The following GPI variants were observed in gnomAD, a reference collection of about 807,000 sequenced individuals.
GPI encodes glucose-6-phosphate isomerase, also known as D-hexose-6-phosphate anomerase.
A neutral mutation model predicts 75.8 loss-of-function variants in GPI; 56 were observed. That is an observed-to-expected ratio of 0.74 (90% confidence interval 0.60 to 0.92). GPI has a LOEUF of 0.92. Ranked by LOEUF, GPI falls within the 40% of genes least tolerant of loss-of-function variation. The pLI, the probability that GPI is intolerant of heterozygous loss-of-function variation, is 0.00. For missense variants in GPI, 638 were observed against 741.0 expected, an observed-to-expected ratio of 0.86 and a Z score of 1.61; for synonymous variants, 288 against 285.4, an observed-to-expected ratio of 1.01 and a Z score of -0.09.
intron 9 of GPI, among the ~76,000 whole-genome samples, chr19:34,389,746 C>T (rs928093254): frequency 6.6e-6 from 1 of 152,174 alleles, no homozygotes; most frequent in African/African-American, 2.4e-5. Flanking sequence ...GGGTCAAGTA[C>T]CCCTCAGGTT....
chr19:34,364,672 C>A (rs948280974), upstream of GPI: 5 of 344,166 alleles, frequency 1.5e-5, no homozygotes, highest in Admixed American at 9.6e-5. Context: ...GCCACCGCGC[C>A]CGGCCTAGTC....
At chr19:34,366,747 T>TG (rs1249116126) in intron 2 of GPI, 36 bp from the exon 3 acceptor site, 3 of 1,508,356 alleles carry the variant, frequency 2.0e-6, no homozygotes, top group Non-Finnish European at 2.8e-6. Context: ...GTGGCCAGTG[T>TG]GGGTGGGACC....
intron 9 of GPI, among the ~76,000 whole-genome samples, chr19:34,389,440 A>T (rs540049745): frequency 5.3e-5 from 8 of 152,268 alleles, no homozygotes; most frequent in Admixed American, 2.0e-4. Flanking sequence ...ATCCTCTGGA[A>T]GGTGCTATGC....
At position 34,393,967 on chromosome 19, in the gene GPI, C is replaced by G. The variant is rs1359267721; in HGVS notation, c.963C>G (p.Ala321=). ...PLEKNAPVLL[A]LLGIWYINCF... ...AGAAGAACGCCCCCGTCTTGCTGGC[C>G]CTGCTGGGTATCTGGTACATCAACT... Residue 321 remains alanine (A), a synonymous_variant, in exon 12 of 18, where the codon GCC becomes GCG. Transcript: ENST00000356487. This position sits in a 1 kb window ranked among gnomAD's most constrained non-coding sequence, Gnocchi z 4.4. The G allele has an allele frequency of 1.2e-6, 2 of 1,613,548 alleles. No individual in the cohort carries two copies. Among genetic ancestry groups the G allele is most frequent in the Non-Finnish European group, 1.7e-6 (2 of 1,179,880 alleles).
At chr19:34,376,706 T>A (rs1250604126) in intron 4 of GPI, among the ~76,000 whole-genome samples, 2 of 152,092 alleles carry the variant, frequency 1.3e-5, no homozygotes. Context: ...GCAATCCTCC[T>A]GTCTCAGCCT....
Position 34,400,812 on chromosome 19 carries a change from C to T in GPI, c.*776C>T. The T allele has an allele frequency of 5.4e-6, 2 of 370,828 alleles. No individual in the cohort carries two copies. The highest frequency in any genetic ancestry group is 7.7e-5 in the East Asian group (2 of 26,132). 23.0% of individuals were successfully genotyped at this position (370,828 alleles called of 1,614,324 possible). A position where few individuals can be genotyped will look rare whatever the true frequency, so the allele number is the denominator to read the frequency against. On this transcript the variant is annotated 3_prime_UTR_variant, in exon 18 of 18. Transcript: ENST00000356487. ...CAATCTCGGCTCACTGCAACCTCCG[C>T]CTCCCGGGTTCAAGCTATTCTCCTG...
chr19:34,393,260 C>G lies in GPI; in HGVS notation c.817C>G (p.Arg273Gly). 1 of 1,612,878 alleles carries G rather than the reference C, an allele frequency of 6.2e-7. No homozygotes were observed. The highest frequency in any genetic ancestry group is 8.5e-7 in the Non-Finnish European group (1 of 1,178,936). ...CTGTCTCTCCTAGTGGGTGGGAGGA[C>G]GCTACTCGCTGTGGTCGGCCATCGG... Reference protein sequence around the residue: ...MFEFWDWVGGRYSLWSAIGLS... With the variant: ...MFEFWDWVGGGYSLWSAIGLS... The change falls in exon 10 of 18, where the codon CGC becomes GGC. Residue 273 changes from arginine (R) to glycine (G), a missense_variant. Arg to Gly is a moderately radical substitution (Grantham distance 125). Coordinates refer to ENST00000356487, the MANE Select transcript of GPI (RefSeq NM_000175.5). This position sits in a 1 kb window ranked among gnomAD's most constrained non-coding sequence, Gnocchi z 4.4.
At chr19:34,365,011 G>A (rs777562494), upstream of GPI, 4 of 1,533,096 alleles carry the variant, frequency 2.6e-6, no homozygotes, top group East Asian at 4.9e-5. Flanking sequence ...CAAAGCGGCG[G>A]CGCAAGAGGT....
chr19:34,366,810 C>T lies in GPI; in HGVS notation c.241C>T (p.Arg81Trp), dbSNP rs1249863293. The change falls in exon 3 of 18, where the codon CGG becomes TGG. Residue 81 changes from arginine to tryptophan, a missense_variant. Physicochemically the swap from Arg to Trp is moderately radical, Grantham distance 101. Transcript: ENST00000356487. ...LAKSRGVEAARERMFNGEKIN... is the reference protein window; with the variant it reads ...LAKSRGVEAAWERMFNGEKIN... ...CAAGTCCAGGGGCGTGGAGGCCGCC[C>T]GGGAGCGGATGTTCAATGGTGAGAA... 30 of 1,613,436 alleles carry T rather than the reference C, an allele frequency of 1.9e-5. No individual in the cohort carries two copies. Among genetic ancestry groups the T allele is most frequent in the Non-Finnish European group, 2.3e-5 (27 of 1,179,846 alleles).
chr19:34,385,975 G>A (rs2074728637), intron 9 of GPI, among the ~76,000 whole-genome samples: 1 of 152,108 alleles, frequency 6.6e-6, no homozygotes, highest in Non-Finnish European at 1.5e-5. Flanking sequence ...ACTACAGGTA[G>A]GTAGAGCTGG....
In GPI at chr19:34,393,053, G is replaced by A. The variant is rs1174925678; in HGVS notation, c.805-195G>A. The A allele has an allele frequency of 4.7e-6, 3 of 638,148 alleles. No homozygotes were observed. The South Asian group carries it at 5.2e-5, about 11-fold the overall frequency. The allele number at this position is 638,148 out of a possible 1,614,324, so 39.5% of individuals were successfully genotyped here. Reference sequence around the variant, plus strand: ...CTCTTCAGTTTGTCTTGTGGCTGTGGTCAGTCATCTGTAGTCTGCCCTGTT... The same window carrying A: ...CTCTTCAGTTTGTCTTGTGGCTGTGATCAGTCATCTGTAGTCTGCCCTGTT... On this transcript the variant is annotated intron_variant, in intron 9 of 17. Coordinates refer to ENST00000356487, the MANE Select transcript of GPI (RefSeq NM_000175.5). This position sits in a 1 kb window ranked among gnomAD's most constrained non-coding sequence, Gnocchi z 4.4.
At chr19:34,366,669 G>A in intron 2 of GPI, 114 bp from the exon 3 acceptor site, 1 of 818,528 alleles carries the variant, frequency 1.2e-6, no homozygotes. Context: ...GAGGGAACCA[G>A]ACAGCAGCCG....
intron 4 of GPI, 98 bp downstream of exon 4, chr19:34,368,800 C>A: frequency 7.2e-7 from 1 of 1,386,680 alleles, no homozygotes; most frequent in Non-Finnish European, 1.0e-6. Context: ...TTCTTGTAGG[C>A]AGGACTCAGG....
At chr19:34,366,493 G>A (rs2074367681) in intron 2 of GPI, 58 bp downstream of exon 2, 5 of 1,148,712 alleles carry the variant, frequency 4.4e-6, no homozygotes, top group Admixed American at 3.4e-5. Flanking sequence ...GGTGAGCTGG[G>A]CTCCTGGGAG....
chr19:34,369,610 G>A (rs1012201699), intron 4 of GPI, among the ~76,000 whole-genome samples: 1 of 152,064 alleles, frequency 6.6e-6, no homozygotes, highest in African/African-American at 2.4e-5. Flanking sequence ...GGGAGACTGA[G>A]GCAGGAGAAT....
chr19:34,386,512 A>G (rs915135349), intron 9 of GPI, among the ~76,000 whole-genome samples: 5 of 152,324 alleles, frequency 3.3e-5, no homozygotes, highest in African/African-American at 1.2e-4. Flanking sequence ...GAATGCAGGT[A>G]GATAGAGTTG....
At chr19:34,387,941 T>C (rs1458980547) in intron 9 of GPI, among the ~76,000 whole-genome samples, 1 of 152,040 alleles carries the variant, frequency 6.6e-6, no homozygotes, top group East Asian at 1.9e-4. Flanking sequence ...AGGTGAGTAG[T>C]GTGGGCTCTT....
upstream of GPI, among the ~76,000 whole-genome samples, chr19:34,360,789 T>G (rs117262372): frequency 0.015 from 2,229 of 152,276 alleles, 24 homozygotes; most frequent in South Asian, 0.026. Context: ...TTCTTTCTAT[T>G]TTTTTGGAGA....
intron 9 of GPI, among the ~76,000 whole-genome samples, chr19:34,390,891 G>A (rs988823817): frequency 7.4e-6 from 1 of 135,524 alleles, no homozygotes; most frequent in African/African-American, 2.8e-5. Context: ...CGTGTCTGAG[G>A]AGGTAGCACC....
Sources: allele counts gnomAD v4.1 joint callset (sites outside exome capture counted in the v4.1 genomes callset), GRCh38; gene constraint gnomAD v4.1.1; non-coding constraint Gnocchi (gnomAD v3.1); transcripts MANE v1.5; gene names NCBI Gene and HGNC (gene_info 2026-07-23, HGNC 2026-07-21).